KAT2B: variants seen among roughly 807,000 people sequenced by gnomAD.
The protein encoded by KAT2B is lysine acetyltransferase 2B, also known as histone acetyltransferase KAT2B.
In KAT2B, 36 loss-of-function variants were observed where a neutral mutation model predicts 105.9. That is an observed-to-expected ratio of 0.34 (90% CI 0.26 to 0.45). The LOEUF (loss-of-function observed/expected upper bound fraction) is 0.45, where lower values mean the gene tolerates loss of function less well. KAT2B is among the 20% of genes least tolerant of loss of function. The pLI is 1.00. For missense variants in KAT2B, 820 were observed against 1,021.6 expected, an observed-to-expected ratio of 0.80 and a Z score of 2.69; for synonymous variants, 397 against 377.9, an observed-to-expected ratio of 1.05 and a Z score of -0.59.
chr3:20,101,090 A>C, intron 4 of KAT2B, 197 bp from the exon 5 acceptor site: 1 of 554,736 alleles, frequency 1.8e-6, no homozygotes, highest in South Asian at 2.7e-5. Context: ...CTGTCTTGTC[A>C]CTTTTCATCC....
At chr3:20,130,872 C>T (rs1008315160) in intron 11 of KAT2B, among the ~76,000 whole-genome samples, 94 of 128,582 alleles carry the variant, frequency 7.3e-4, no homozygotes, top group Admixed American at 1.4e-3. Flanking sequence ...TGTGTGTGTG[C>T]GTGCATGTGT....
Position 20,125,987 on chromosome 3 carries a change from T to C in KAT2B, c.1496T>C (p.Val499Ala). The change falls in exon 10 of 18, where the codon GTT becomes GCT. Residue 499 changes from valine to alanine, a missense_variant. Val to Ala is a moderately conservative substitution (Grantham distance 64, BLOSUM62 0). Coordinates refer to ENST00000263754, the MANE Select transcript of KAT2B (RefSeq NM_003884.5). ...ERRGVIEFHV[V>A]GNSLNQKPNK... is the part of the protein sequence containing the mutation. ...AGGGGTGTAATTGAATTTCACGTGG[T>C]TGGCAATTCCCTCAACCAGAAACCA... The C allele has an allele frequency of 6.2e-7, 1 of 1,614,060 alleles. No homozygotes were observed. Among genetic ancestry groups the C allele is most frequent in the Non-Finnish European group, 8.5e-7 (1 of 1,179,998 alleles).
At chr3:20,120,540 A>G (rs772502355) in intron 8 of KAT2B, among the ~76,000 whole-genome samples, 1 of 152,106 alleles carries the variant, frequency 6.6e-6, no homozygotes, top group Non-Finnish European at 1.5e-5. Context: ...CTTCTGCCTC[A>G]TTCTGTCGTC....
At chr3:20,130,185 A>G (rs1326037847) in intron 11 of KAT2B, among the ~76,000 whole-genome samples, 1 of 152,214 alleles carries the variant, frequency 6.6e-6, no homozygotes, top group Non-Finnish European at 1.5e-5. Context: ...ATTCTCACAA[A>G]GCACAAGTGG....
chr3:20,075,924 A>AT (rs1310710380), intron 2 of KAT2B, among the ~76,000 whole-genome samples: 3,017 of 150,602 alleles, frequency 0.02, 46 homozygotes, highest in Non-Finnish European at 0.023. Flanking sequence ...AAAAAAAAAA[A>AT]TTTTTTTCAT....
rs148220473 is a variant in KAT2B, at chr3:20,044,398, C to G, written c.303+3618C>G. 1.3e-3 allele frequency among the ~76,000 whole-genome samples: 197 copies of G among 151,058 alleles called. 1 individual carries two copies. The highest frequency in any genetic ancestry group is 8.6e-3 in the Admixed American group (130 of 15,184). ...CACCGCTGTACTCCAGCCTGGGTGA[C>G]AGAGCAAGATTCTCCCTAAAAAAAA... is the stretch of plus-strand genomic sequence containing the variant. On this transcript the variant is annotated intron_variant, in intron 1 of 17. Transcript: ENST00000263754.
At chr3:20,140,533 T>C (rs186511550) in intron 13 of KAT2B, among the ~76,000 whole-genome samples, 169 bp downstream of exon 13, 5 of 152,236 alleles carry the variant, frequency 3.3e-5, no homozygotes, top group Admixed American at 3.3e-4. Context: ...AGTCTCTCTG[T>C]CACCTAGACT....
intron 1 of KAT2B, among the ~76,000 whole-genome samples, chr3:20,062,741 C>T (rs947613299): frequency 2.0e-5 from 3 of 151,794 alleles, no homozygotes; most frequent in Non-Finnish European, 4.4e-5. Flanking sequence ...GGATTACAGG[C>T]GTGAGTCACC....
At chr3:20,087,736 A>T (rs1698646082) in intron 2 of KAT2B, among the ~76,000 whole-genome samples, 1 of 152,146 alleles carries the variant, frequency 6.6e-6, no homozygotes, top group Non-Finnish European at 1.5e-5. Context: ...GATTCTACAT[A>T]CAAATAAGAT....
At chr3:20,106,963 ATATATATATATATATG>A (rs1229760746) in intron 5 of KAT2B, among the ~76,000 whole-genome samples, 236 of 15,226 alleles carry the variant, frequency 0.015, 5 homozygotes, top group African/African-American at 0.09. Flanking sequence ...TTTTATGTGT[ATATATATATATATATG>A]TATATATATA....
At position 20,104,882 on chromosome 3, in the gene KAT2B, GTTT is replaced by G. The variant is rs1419073499; in HGVS notation, c.851+3419_851+3421del. ...AAAATATAAGTATTCTTTTTTTGTT[GTTT>G]TTTTGTTTTTTTTTTTTTTGAGATG... On this transcript the variant is annotated intron_variant, in intron 5 of 17. Coordinates refer to ENST00000263754, the MANE Select transcript of KAT2B (RefSeq NM_003884.5). Among the ~76,000 whole-genome samples, 9 of 88,062 alleles carry G rather than the reference GTTT, an allele frequency of 1.0e-4. No homozygotes were observed. In the East Asian group the frequency reaches 2.2e-3, roughly 21 times the overall value. 57.8% of individuals were successfully genotyped at this position (88,062 alleles called of 152,430 possible).
chr3:20,063,986 A>G (rs12636032), intron 1 of KAT2B, among the ~76,000 whole-genome samples: 61,443 of 152,022 alleles, frequency 0.4, 12,627 homozygotes, highest in Middle Eastern at 0.47. Context: ...TCCTTTCTCT[A>G]TTGAATGGTC....
chr3:20,123,690 A>C (rs1398577216), intron 9 of KAT2B, among the ~76,000 whole-genome samples: 1 of 152,096 alleles, frequency 6.6e-6, no homozygotes, highest in Non-Finnish European at 1.5e-5. Context: ...TTTAATTCTT[A>C]TCTCTTCATT....
At chr3:20,104,053 A>G (rs563797181) in intron 5 of KAT2B, among the ~76,000 whole-genome samples, 20 of 152,320 alleles carry the variant, frequency 1.3e-4, no homozygotes, top group African/African-American at 4.6e-4. Context: ...GTCACTGCCA[A>G]TGTGGAGCTT....
At position 20,072,386 on chromosome 3, in the gene KAT2B, T is replaced by A. The variant is rs755477559; in HGVS notation, c.357T>A (p.Thr119=). The change falls in exon 2 of 18, where the codon ACT becomes ACA. Residue 119 remains threonine, a synonymous_variant. Transcript: ENST00000263754. The part of the protein sequence containing the change: ...NGWKNPNPSP[T]PPRADLQQII... ...GGAAAAACCCTAACCCCTCACCCAC[T>A]CCCCCCAGAGCCGACCTGCAGCAAA... 2 of 1,612,522 alleles carry A rather than the reference T, an allele frequency of 1.2e-6. No individual in the cohort carries two copies. Among genetic ancestry groups the A allele is most frequent in the Admixed American group, 3.3e-5 (2 of 59,990 alleles).
At chr3:20,123,697 C>T (rs1176501041) in intron 9 of KAT2B, among the ~76,000 whole-genome samples, 1 of 152,136 alleles carries the variant, frequency 6.6e-6, no homozygotes, top group African/African-American at 2.4e-5. Flanking sequence ...CTTATCTCTT[C>T]ATTTGTTTAG....
chr3:20,102,478 A>G (rs993121109), intron 5 of KAT2B, among the ~76,000 whole-genome samples: 10 of 152,208 alleles, frequency 6.6e-5, no homozygotes, highest in African/African-American at 2.2e-4. Flanking sequence ...ACTTAATATC[A>G]TATCAAACAT....
chr3:20,083,427 AT>A (rs1396133191), intron 2 of KAT2B, among the ~76,000 whole-genome samples: 2 of 152,156 alleles, frequency 1.3e-5, no homozygotes, highest in Admixed American at 1.3e-4. Flanking sequence ...ATATGAATTG[AT>A]TGTCAGTATA....
At chr3:20,124,909 C>T (rs1316886080) in intron 9 of KAT2B, among the ~76,000 whole-genome samples, 2 of 152,116 alleles carry the variant, frequency 1.3e-5, no homozygotes, top group South Asian at 2.1e-4. Context: ...AACCACTAGG[C>T]AGATTAAATA....
Sources: gnomAD v4.1 joint callset for allele counts (sites outside exome capture counted in the v4.1 genomes callset) on GRCh38, gnomAD v4.1.1 for gene constraint, MANE v1.5 for transcripts, NCBI Gene and HGNC (gene_info 2026-07-23, HGNC 2026-07-21) for gene names.